VEPH1: variants seen among roughly 807,000 people sequenced by gnomAD.
VEPH1 encodes the protein ventricular zone expressed PH domain containing 1, also known as ventricular zone-expressed PH domain-containing protein homolog 1.
In VEPH1, 80 loss-of-function variants were observed where a neutral mutation model predicts 85.2. That is an observed-to-expected ratio of 0.94 (90% CI 0.78 to 1.13). The LOEUF (loss-of-function observed/expected upper bound fraction) is 1.13, where lower values mean the gene tolerates loss of function less well. Ranked by LOEUF, VEPH1 falls within the 50% of genes most tolerant of loss-of-function variation. The pLI, the probability that VEPH1 is intolerant of heterozygous loss-of-function variation, is 0.00. For missense variants in VEPH1, 955 were observed against 980.5 expected, an observed-to-expected ratio of 0.97 and a Z score of 0.35; for synonymous variants, 297 against 348.0, an observed-to-expected ratio of 0.85 and a Z score of 1.63.
intron 9 of VEPH1, among the ~76,000 whole-genome samples, chr3:157,362,855 T>A (rs535282969): frequency 2.0e-5 from 3 of 152,296 alleles, no homozygotes; most frequent in Non-Finnish European, 4.4e-5. Context: ...AGCATCATCA[T>A]CTATACTCTA....
At chr3:157,412,020 G>A (rs1251792137) in intron 6 of VEPH1, among the ~76,000 whole-genome samples, 1 of 152,134 alleles carries the variant, frequency 6.6e-6, no homozygotes, top group Non-Finnish European at 1.5e-5. Context: ...TAGTGAGTGA[G>A]TGCTCATGAG....
At chr3:157,460,905 T>A (rs573288915) in intron 3 of VEPH1, among the ~76,000 whole-genome samples, 1 of 151,986 alleles carries the variant, frequency 6.6e-6, no homozygotes, top group Non-Finnish European at 1.5e-5. Flanking sequence ...TTATGAAAGG[T>A]CCGGCATACA....
intron 9 of VEPH1, among the ~76,000 whole-genome samples, chr3:157,351,331 A>T (rs1465377348): frequency 6.6e-6 from 1 of 152,168 alleles, no homozygotes; most frequent in Non-Finnish European, 1.5e-5. Flanking sequence ...CTGTAGTCCC[A>T]GCTACTTGGG....
intron 7 of VEPH1, among the ~76,000 whole-genome samples, chr3:157,365,347 C>T (rs1420500165): frequency 1.3e-5 from 2 of 152,142 alleles, no homozygotes; most frequent in African/African-American, 2.4e-5. Context: ...ATTTTTATAA[C>T]GTATGGTGTT....
chr3:157,283,731 A>G (rs1173320717), intron 12 of VEPH1, among the ~76,000 whole-genome samples: 2 of 152,232 alleles, frequency 1.3e-5, no homozygotes, highest in African/African-American at 4.8e-5. Flanking sequence ...GAAATTCTCT[A>G]ATTGTCTCAT....
intron 4 of VEPH1, among the ~76,000 whole-genome samples, chr3:157,456,326 A>G (rs1735377810): frequency 6.6e-6 from 1 of 152,066 alleles, no homozygotes; most frequent in African/African-American, 2.4e-5. Flanking sequence ...CTCTGTTGAT[A>G]GTTTCTTTTG....
chr3:157,376,344 T>A (rs536633463), intron 7 of VEPH1, among the ~76,000 whole-genome samples: 31 of 152,292 alleles, frequency 2.0e-4, no homozygotes, highest in Admixed American at 2.0e-3. Context: ...ATCACTCCAC[T>A]GCTCAGCTCA....
At chr3:157,447,424 G>A (rs1251060745) in intron 4 of VEPH1, among the ~76,000 whole-genome samples, 1 of 152,106 alleles carries the variant, frequency 6.6e-6, no homozygotes, top group Admixed American at 6.5e-5. Flanking sequence ...AGATTGCTTA[G>A]TAGCTTGTTT....
rs542222568 is a variant in VEPH1 at position 157,444,771 on chromosome 3, A to C, written c.529+15410T>G. 2.6e-5 allele frequency among the ~76,000 whole-genome samples: 4 copies of C among 152,380 alleles called. No individual in the cohort carries two copies. The East Asian group carries it at 7.7e-4, about 29-fold the overall frequency. ...TATGCTGACAGAATTTAATATAAGA[A>C]AACTTTTAATTTTTTTAAGTAATTA... is the stretch of plus-strand genomic sequence containing the variant. On this transcript the variant is annotated intron_variant, in intron 4 of 13. Transcript: ENST00000362010.
At chr3:157,292,023 T>A (rs1415991864) in intron 11 of VEPH1, among the ~76,000 whole-genome samples, 2 of 152,206 alleles carry the variant, frequency 1.3e-5, no homozygotes, top group East Asian at 3.8e-4. Context: ...TAGAATAAAG[T>A]GTTAATAATT....
intron 11 of VEPH1, among the ~76,000 whole-genome samples, chr3:157,287,698 G>A (rs941985167): frequency 2.0e-5 from 3 of 151,874 alleles, no homozygotes; most frequent in African/African-American, 7.3e-5. Flanking sequence ...CTGAGCAGCT[G>A]GGTTTACGGG....
chr3:157,269,047 TTACTC>T (rs1332583195), intron 12 of VEPH1, among the ~76,000 whole-genome samples: 1 of 152,244 alleles, frequency 6.6e-6, no homozygotes, highest in African/African-American at 2.4e-5. Context: ...TCTTTCATAT[TTACTC>T]AAAGAAACAT....
intron 9 of VEPH1, among the ~76,000 whole-genome samples, chr3:157,320,623 T>C (rs1721247893): frequency 6.6e-6 from 1 of 152,046 alleles, no homozygotes; most frequent in South Asian, 2.1e-4. Flanking sequence ...CAACCAAATC[T>C]GAGAGTAGTT....
At chr3:157,316,607 C>T (rs1265733955) in intron 10 of VEPH1, among the ~76,000 whole-genome samples, 1 of 151,212 alleles carries the variant, frequency 6.6e-6, no homozygotes, top group Non-Finnish European at 1.5e-5. Flanking sequence ...TTGTAAGTTG[C>T]TCTTTACATA....
At chr3:157,475,458 A>G (rs1417197502) in intron 2 of VEPH1, among the ~76,000 whole-genome samples, 1 of 152,220 alleles carries the variant, frequency 6.6e-6, no homozygotes, top group Non-Finnish European at 1.5e-5. Flanking sequence ...AACATGTCAT[A>G]TTAGCTCATA....
At chr3:157,323,568 G>A (rs1457647508) in intron 9 of VEPH1, among the ~76,000 whole-genome samples, 2 of 152,162 alleles carry the variant, frequency 1.3e-5, no homozygotes, top group Non-Finnish European at 2.9e-5. Flanking sequence ...ACATGCATAT[G>A]TGTGGGACGT....
chr3:157,442,624 T>C (rs774553750), intron 4 of VEPH1: 2 of 1,614,212 alleles, frequency 1.2e-6, no homozygotes, highest in South Asian at 2.2e-5. Context: ...ATGGTTTCCC[T>C]GGGAAGGTGG....
In VEPH1 at chr3:157,364,428, T is replaced by G; in HGVS notation, c.1212A>C (p.Lys404Asn). ...CAAAAGCCTGGATTTTAACTTGGAG[T>G]TTTTCATGGTCTTCATTTTCAGTTA... ...LIVTENEDHE[K>N]LQVKIQAFED... Residue 404 changes from lysine to asparagine, a missense_variant, in exon 8 of 14, where the codon AAA (lysine) becomes AAC (asparagine). Physicochemically the swap from Lys to Asn is moderately conservative, Grantham distance 94. Transcript: ENST00000362010. 6.2e-7 allele frequency: 1 copy of G among 1,613,888 alleles called. No homozygotes were observed. Among genetic ancestry groups the G allele is most frequent in the Non-Finnish European group, 8.5e-7 (1 of 1,179,924 alleles).
At chr3:157,500,057 C>G (rs1367473948) in intron 1 of VEPH1, among the ~76,000 whole-genome samples, 1 of 152,164 alleles carries the variant, frequency 6.6e-6, no homozygotes, top group African/African-American at 2.4e-5. Context: ...AACATACGTA[C>G]TCTCTTTTTT....
Sources: allele counts gnomAD v4.1 joint callset (sites outside exome capture counted in the v4.1 genomes callset), GRCh38; gene constraint gnomAD v4.1.1; transcripts MANE v1.5; gene names NCBI Gene and HGNC (gene_info 2026-07-23, HGNC 2026-07-21).